Variants in HPSE2 observed in about 807,000 individuals in gnomAD.
HPSE2 encodes inactive heparanase-2.
HPSE2 carries 38 observed loss-of-function variants against 60.5 expected under a neutral mutation model. The ratio of observed to expected loss-of-function variants is 0.63; its 90% CI spans 0.48 to 0.82. The LOEUF (loss-of-function observed/expected upper bound fraction) is 0.82, where lower values mean the gene tolerates loss of function less well. HPSE2 is among the 40% of genes least tolerant of loss of function. The pLI is 0.00. For synonymous variants in HPSE2, 295 were observed against 293.2 expected, an observed-to-expected ratio of 1.01 and a Z score of -0.06; for missense variants, 713 against 740.4, an observed-to-expected ratio of 0.96 and a Z score of 0.43.
At chr10:98,781,371 C>A (rs1478295505) in intron 3 of HPSE2, among the ~76,000 whole-genome samples, 2 of 142,190 alleles carry the variant, frequency 1.4e-5, no homozygotes, top group Non-Finnish European at 3.0e-5. Flanking sequence ...GAACTGAACA[C>A]TGAAAAATAT....
At chr10:99,231,963 C>G (rs1849657451) in intron 2 of HPSE2, among the ~76,000 whole-genome samples, 1 of 151,792 alleles carries the variant, frequency 6.6e-6, no homozygotes, top group East Asian at 1.9e-4. Context: ...TGAATTTTCT[C>G]AAAAAACCTG....
chr10:98,845,247 T>G (rs1952007300), intron 3 of HPSE2, among the ~76,000 whole-genome samples: 1 of 152,230 alleles, frequency 6.6e-6, no homozygotes, highest in Non-Finnish European at 1.5e-5. Context: ...AGCCTATTCC[T>G]TGACTCCTCT....
chr10:98,909,893 A>G (rs1042988259), intron 3 of HPSE2, among the ~76,000 whole-genome samples: 1 of 152,164 alleles, frequency 6.6e-6, no homozygotes, highest in Non-Finnish European at 1.5e-5. Flanking sequence ...ATTTTAATGA[A>G]AACTCTGATG....
intron 3 of HPSE2, among the ~76,000 whole-genome samples, chr10:99,053,313 T>C (rs1478842798): frequency 1.3e-5 from 2 of 152,080 alleles, no homozygotes; most frequent in African/African-American, 4.8e-5. Flanking sequence ...TCTAAGTAGA[T>C]TGTGATAAGT....
At chr10:99,295,464 G>C in the HPSE2 span, among the ~76,000 whole-genome samples, 1 of 152,108 alleles carries the variant, frequency 6.6e-6, no homozygotes, top group Non-Finnish European at 1.5e-5. Context: ...GTGAAAAAAA[G>C]CAAGATAAAA....
intron 3 of HPSE2, among the ~76,000 whole-genome samples, chr10:99,131,751 G>A (rs962221309): frequency 1.2e-4 from 19 of 152,022 alleles, no homozygotes; most frequent in African/African-American, 4.3e-4. Context: ...AGTTGGAGAG[G>A]GATAAAAGAT....
At chr10:99,030,726 A>G (rs1957480333) in intron 3 of HPSE2, among the ~76,000 whole-genome samples, 1 of 152,238 alleles carries the variant, frequency 6.6e-6, no homozygotes, top group Non-Finnish European at 1.5e-5. Flanking sequence ...AATAGCCAAG[A>G]TTTGGAAGCA....
intron 9 of HPSE2, among the ~76,000 whole-genome samples, chr10:98,590,756 TCTAGTGGTTAC>T (rs1195461703): frequency 2.0e-5 from 3 of 152,200 alleles, no homozygotes; most frequent in African/African-American, 7.2e-5. Flanking sequence ...TTCAATACAG[TCTAGTGGTTAC>T]AGAGTGGTTT....
intron 11 of HPSE2, among the ~76,000 whole-genome samples, chr10:98,471,656 C>G (rs557993904): frequency 1.3e-5 from 2 of 152,114 alleles, no homozygotes; most frequent in East Asian, 3.9e-4. Context: ...TGTCTTGCCC[C>G]CTCCCGCTTG....
the HPSE2 span, among the ~76,000 whole-genome samples, chr10:99,282,547 C>T: frequency 7.3e-3 from 1,112 of 152,248 alleles, 6 homozygotes; most frequent in Non-Finnish European, 0.011. Context: ...GAATCCTCTA[C>T]CCAACAATAA....
intron 9 of HPSE2, among the ~76,000 whole-genome samples, chr10:98,606,998 C>T (rs1945608205): frequency 6.6e-6 from 1 of 152,096 alleles, no homozygotes; most frequent in Non-Finnish European, 1.5e-5. Context: ...AAGTGCCTTC[C>T]AACCTAGCAA....
At chr10:98,829,842 TTTTA>T (rs890934124) in intron 3 of HPSE2, among the ~76,000 whole-genome samples, 1 of 152,182 alleles carries the variant, frequency 6.6e-6, no homozygotes, top group African/African-American at 2.4e-5. Flanking sequence ...GGATTTTTAT[TTTTA>T]TTTATTTTCT....
intron 11 of HPSE2, among the ~76,000 whole-genome samples, chr10:98,475,371 G>A (rs762427076): frequency 2.6e-5 from 4 of 152,102 alleles, no homozygotes; most frequent in African/African-American, 7.2e-5. Flanking sequence ...CCCCCGCCTC[G>A]GCCTCCCAAA....
chr10:98,675,108 A>G (rs1947602862), intron 6 of HPSE2, among the ~76,000 whole-genome samples: 1 of 152,194 alleles, frequency 6.6e-6, no homozygotes, highest in African/African-American at 2.4e-5. Flanking sequence ...TCTCTTCACA[A>G]TAACACTGTG....
At chr10:99,164,608 T>G (rs1846991258) in intron 2 of HPSE2, among the ~76,000 whole-genome samples, 1 of 152,052 alleles carries the variant, frequency 6.6e-6, no homozygotes, top group Non-Finnish European at 1.5e-5. Flanking sequence ...CCCTCTCAAG[T>G]AGAAAGAGCT....
At chr10:98,736,151 C>A (rs184973636) in intron 4 of HPSE2, among the ~76,000 whole-genome samples, 1 of 151,676 alleles carries the variant, frequency 6.6e-6, no homozygotes, top group East Asian at 1.9e-4. Flanking sequence ...ATACTGTTCT[C>A]ATGGTAGTGA....
At chr10:98,483,271 T>C (rs1241026757) in intron 10 of HPSE2, among the ~76,000 whole-genome samples, 1 of 152,214 alleles carries the variant, frequency 6.6e-6, no homozygotes, top group African/African-American at 2.4e-5. Context: ...AATCACATTA[T>C]TCACAGAGAT....
chr10:98,665,851 A>G (rs764708980), intron 6 of HPSE2, among the ~76,000 whole-genome samples: 20 of 152,174 alleles, frequency 1.3e-4, no homozygotes, highest in Non-Finnish European at 2.2e-4. Context: ...CATAGCCCAC[A>G]GACAATATAA....
At chr10:98,878,121 T>C (rs1952925839) in intron 3 of HPSE2, among the ~76,000 whole-genome samples, 1 of 151,848 alleles carries the variant, frequency 6.6e-6, no homozygotes, top group Admixed American at 6.6e-5. Flanking sequence ...GGACAAAATA[T>C]ACAAGACGTT....
Sources: allele counts gnomAD v4.1 joint callset (sites outside exome capture counted in the v4.1 genomes callset), GRCh38; gene constraint gnomAD v4.1.1; transcripts MANE v1.5; gene names NCBI Gene and HGNC (gene_info 2026-07-23, HGNC 2026-07-21).